The following XIRP2 variants were observed in gnomAD, a reference collection of about 807,000 sequenced individuals.
XIRP2 encodes xin actin-binding repeat-containing protein 2.
A neutral mutation model predicts 277.0 loss-of-function variants in XIRP2; 236 were observed. That is an observed-to-expected ratio of 0.85 (90% CI 0.77 to 0.95). The LOEUF is 0.95. XIRP2 is among the 40% of genes least tolerant of loss of function. The pLI is 0.00. For synonymous variants in XIRP2, 1,490 were observed against 1,416.5 expected (o/e 1.05, Z -1.17); for missense variants, 4,640 against 4,157.5 (o/e 1.12, Z -3.19).
intron 2 of XIRP2, among the ~76,000 whole-genome samples, chr2:167,047,486 T>G (rs1688813087): frequency 6.6e-6 from 1 of 151,844 alleles, no homozygotes; most frequent in Non-Finnish European, 1.5e-5. Context: ...CAAATGTCAA[T>G]TATCTGCCAA....
chr2:167,188,204 A>T (rs1382993876), intron 3 of XIRP2, among the ~76,000 whole-genome samples: 1 of 152,176 alleles, frequency 6.6e-6, no homozygotes, highest in East Asian at 1.9e-4. Flanking sequence ...CATGCCCTAT[A>T]TACTGTTTCA....
Position 167,241,759 on chromosome 2 carries a change from G to A in XIRP2, c.1043-18G>A. On this transcript the variant is annotated intron_variant, in intron 7 of 10. Transcript: ENST00000409195. ...TTAGTAATTACATAGTAACCCTGGT[G>A]TGTTTTTCTGTTTGTAGTCATTGAT... 2 of 1,590,456 alleles carry A rather than the reference G, an allele frequency of 1.3e-6. No homozygotes were observed. The highest frequency in any genetic ancestry group is 1.7e-6 in the Non-Finnish European group (2 of 1,171,356).
chr2:167,129,403 A>C (rs1306885441), intron 2 of XIRP2, among the ~76,000 whole-genome samples: 1 of 152,084 alleles, frequency 6.6e-6, no homozygotes, highest in Non-Finnish European at 1.5e-5. Context: ...CAGTAGGGCA[A>C]CCTGCTTTCT....
At chr2:166,986,892 A>G (rs1025021211) in intron 2 of XIRP2, among the ~76,000 whole-genome samples, 2 of 152,208 alleles carry the variant, frequency 1.3e-5, no homozygotes, top group African/African-American at 2.4e-5. Flanking sequence ...AGAATTGTCT[A>G]GGCTTAGTTT....
chr2:167,136,147 G>A (rs939211298), intron 3 of XIRP2, 85 bp downstream of exon 3: 45 of 1,318,716 alleles, frequency 3.4e-5, no homozygotes, highest in Non-Finnish European at 4.3e-5. Flanking sequence ...TGAGGGGTTT[G>A]TTTAAAAATT....
chr2:167,166,623 G>C lies in XIRP2; in HGVS notation c.562+30561G>C, dbSNP rs552013164. On this transcript the variant is annotated intron_variant, in intron 3 of 10. Coordinates refer to ENST00000409195, the MANE Select transcript of XIRP2 (RefSeq NM_152381.6). The stretch of plus-strand genomic sequence containing the variant: ...TACAATCATGGCAGAAGGCAAAGAG[G>C]GATCCGGCAAGTCACGTGGCAAGAG... Among the ~76,000 whole-genome samples the C allele has an allele frequency of 2.6e-5, 4 of 152,272 alleles. No homozygotes were observed. The South Asian group carries it at 8.3e-4, about 32-fold the overall frequency.
At chr2:167,025,402 CCAG>C (rs1688124011) in intron 2 of XIRP2, among the ~76,000 whole-genome samples, 1 of 152,076 alleles carries the variant, frequency 6.6e-6, no homozygotes, top group Non-Finnish European at 1.5e-5. Flanking sequence ...TTTCAAAAAA[CCAG>C]CTGCTGGATT....
intron 10 of XIRP2, among the ~76,000 whole-genome samples, chr2:167,255,113 G>A (rs929176733): frequency 6.6e-6 from 1 of 151,734 alleles, no homozygotes; most frequent in African/African-American, 2.4e-5. Flanking sequence ...CAAGATGTAA[G>A]AGGTCCTCAC....
intron 2 of XIRP2, among the ~76,000 whole-genome samples, chr2:167,010,163 T>C (rs1656952908): frequency 6.6e-6 from 1 of 152,086 alleles, no homozygotes; most frequent in Non-Finnish European, 1.5e-5. Context: ...TGAATGGTAA[T>C]ATTAGCCTAG....
chr2:167,181,446 C>T (rs1693005572), intron 3 of XIRP2, among the ~76,000 whole-genome samples: 1 of 152,026 alleles, frequency 6.6e-6, no homozygotes, highest in Admixed American at 6.6e-5. Context: ...ACTCCTCTTC[C>T]TCTTTGTCTT....
chr2:167,247,300 CA>C lies in XIRP2; in HGVS notation c.5909del (p.Gln1970ArgfsTer40). On this transcript the variant is annotated frameshift_variant, in exon 9 of 11. Transcript: ENST00000409195. LOFTEE classifies it high-confidence loss of function. The part of the protein sequence containing the change: ...QKTDIHQVAV[Q>X]RNKNSLLQPK... Reference sequence around the variant, plus strand: ...AACAGATATTCATCAGGTTGCTGTCCAGAGGAACAAAAATAGTCTTCTTCAG... The same window carrying C: ...AACAGATATTCATCAGGTTGCTGTCCGAGGAACAAAAATAGTCTTCTTCAG... 1.2e-6 allele frequency: 2 copies of C among 1,613,604 alleles called. No homozygotes were observed. The highest frequency in any genetic ancestry group is 8.5e-7 in the Non-Finnish European group (1 of 1,179,820).
intron 2 of XIRP2, among the ~76,000 whole-genome samples, chr2:166,939,679 C>CAAAAAAAAAAAAAAAAAAA (rs138977006): frequency 1.9e-4 from 17 of 90,638 alleles, no homozygotes; most frequent in Non-Finnish European, 2.2e-4. Context: ...GACTCCATCA[C>CAAAAAAAAAAAAAAAAAAA]AAAAAAAAAA....
At chr2:167,025,688 ATG>A in intron 2 of XIRP2, among the ~76,000 whole-genome samples, 1 of 152,094 alleles carries the variant, frequency 6.6e-6, no homozygotes, top group Non-Finnish European at 1.5e-5. Context: ...GAACATCTTT[ATG>A]TCTGCCTTCA....
At chr2:167,131,854 A>G (rs982923380) in intron 2 of XIRP2, among the ~76,000 whole-genome samples, 9 of 152,274 alleles carry the variant, frequency 5.9e-5, no homozygotes, top group Admixed American at 5.9e-4. Flanking sequence ...CCTTTTGGAC[A>G]TCTTGCTACC....
At chr2:167,050,229 C>A (rs1688882626) in intron 2 of XIRP2, among the ~76,000 whole-genome samples, 1 of 152,008 alleles carries the variant, frequency 6.6e-6, no homozygotes, top group South Asian at 2.1e-4. Context: ...AAGCCGTTAC[C>A]TTTCAGCTGT....
intron 2 of XIRP2, among the ~76,000 whole-genome samples, chr2:166,937,025 T>C (rs2105375685): frequency 6.6e-6 from 1 of 152,290 alleles, no homozygotes; most frequent in South Asian, 2.1e-4. Flanking sequence ...TTTCAAGATA[T>C]TGATTGTTCC....
intron 2 of XIRP2, among the ~76,000 whole-genome samples, chr2:166,934,862 T>G (rs1000891008): frequency 3.4e-5 from 5 of 147,962 alleles, no homozygotes; most frequent in East Asian, 2.6e-4. Flanking sequence ...AAAAAAAAAT[T>G]TTTTAAAAAA....
At chr2:167,002,394 TTTAAGTGTCTAACA>T (rs146335447) in intron 2 of XIRP2, among the ~76,000 whole-genome samples, 29,153 of 151,848 alleles carry the variant, frequency 0.19, 3,703 homozygotes, top group East Asian at 0.68. Context: ...AATGTTTTTA[TTTAAGTGTCTAACA>T]TGTAATTTAA....
At chr2:167,022,554 T>G (rs1028763211) in intron 2 of XIRP2, among the ~76,000 whole-genome samples, 7 of 152,114 alleles carry the variant, frequency 4.6e-5, no homozygotes, top group Non-Finnish European at 8.8e-5. Flanking sequence ...ACCCATTAAC[T>G]CGTCATTTAG....
Sources: allele counts gnomAD v4.1 joint callset (sites outside exome capture counted in the v4.1 genomes callset), GRCh38; gene constraint gnomAD v4.1.1; transcripts MANE v1.5; gene names NCBI Gene and HGNC (gene_info 2026-07-23, HGNC 2026-07-21).